DLL4: variants seen among roughly 807,000 people sequenced by gnomAD.
DLL4 encodes the protein delta like canonical Notch ligand 4, also known as delta-like protein 4.
In DLL4, 7 loss-of-function variants were observed where a neutral mutation model predicts 73.6. That is an observed-to-expected ratio of 0.10 (90% confidence interval 0.05 to 0.18). The LOEUF is 0.18. Among genes scored for constraint, DLL4 ranks in the 10% least tolerant of loss-of-function variants. The pLI is 1.00. For missense variants in DLL4, 614 were observed against 929.9 expected, an observed-to-expected ratio of 0.66 and a Z score of 4.42; for synonymous variants, 345 against 374.3, an observed-to-expected ratio of 0.92 and a Z score of 0.90.
Position 40,929,620 on chromosome 15 carries a change from A to G in DLL4, c.-49A>G. 6.8e-7 allele frequency: 1 copy of G among 1,462,496 alleles called. No homozygotes were observed. The highest frequency in any genetic ancestry group is 1.4e-5 in the African/African-American group (1 of 70,084). 90.6% of individuals were successfully genotyped at this position (1,462,496 alleles called of 1,614,324 possible). ...GACGCGCGGGAAAGCGGCGTCGCGAACAGAGCCAGATTGAGGGCCCGCGGG... is the reference window on the plus strand; with the variant it reads ...GACGCGCGGGAAAGCGGCGTCGCGAGCAGAGCCAGATTGAGGGCCCGCGGG... On this transcript the variant is annotated 5_prime_UTR_variant, in exon 1 of 11. Transcript: ENST00000249749. This position sits in a 1 kb window ranked among gnomAD's most constrained non-coding sequence, Gnocchi z 7.1.
At position 40,937,895 on chromosome 15, in the gene DLL4, A is replaced by T. The variant is rs544736292; in HGVS notation, c.2053-134A>T. The T allele has an allele frequency of 7.8e-6, 8 of 1,023,214 alleles. No individual in the cohort carries two copies. In the Admixed American group the frequency reaches 1.8e-4, roughly 23 times the overall value. 63.4% of individuals were successfully genotyped at this position (1,023,214 alleles called of 1,614,324 possible). On this transcript the variant is annotated intron_variant, in intron 10 of 10. Coordinates refer to ENST00000249749, the MANE Select transcript of DLL4 (RefSeq NM_019074.4). ...GGCCCGTGTGTGTGTTGGGCCGAAG[A>T]CTGGGGAGGACTGCCCCACCTGCCC...
At position 40,929,649 on chromosome 15, in the gene DLL4, A is replaced by G. The variant is rs767470734; in HGVS notation, c.-20A>G. 7.4e-5 allele frequency: 113 copies of G among 1,517,098 alleles called. No homozygotes were observed. The highest frequency in any genetic ancestry group is 9.3e-5 in the Non-Finnish European group (106 of 1,142,604). The allele number at this position is 1,517,098 out of a possible 1,614,324, so 94.0% of individuals were successfully genotyped here. On this transcript the variant is annotated 5_prime_UTR_variant, in exon 1 of 11. Transcript: ENST00000249749. This position sits in a 1 kb window ranked among gnomAD's most constrained non-coding sequence, Gnocchi z 7.1. ...AGCCAGATTGAGGGCCCGCGGGTGG[A>G]GAGAGCGACGCCCGAGGGGATGGCG...
chr15:40,938,296 G>C lies in DLL4; in HGVS notation c.*262G>C, dbSNP rs939559152. ...GAGAAGAGAGATGCCACTGGGCACT[G>C]CCCTGCCAGTAGTGGCCTTCAGGGG... On this transcript the variant is annotated 3_prime_UTR_variant, in exon 11 of 11. Transcript: ENST00000249749. The C allele has an allele frequency of 2.1e-4, 78 of 375,862 alleles. No individual in the cohort carries two copies. The highest frequency in any genetic ancestry group is 1.3e-3 in the African/African-American group (63 of 47,824). The allele number at this position is 375,862 out of a possible 1,614,324, so 23.3% of individuals were successfully genotyped here. A position where few individuals can be genotyped will look rare whatever the true frequency, so the allele number is the denominator to read the frequency against.
chr15:40,937,984 G>C, intron 10 of DLL4, 45 bp from the exon 11 acceptor site: 4 of 1,597,564 alleles, frequency 2.5e-6, no homozygotes, highest in Non-Finnish European at 3.4e-6. Context: ...GAGGGAGTGC[G>C]CATGCCCAGG....
At chr15:40,932,720 C>T (rs1412397095) in intron 6 of DLL4, among the ~76,000 whole-genome samples, 1 of 152,124 alleles carries the variant, frequency 6.6e-6, no homozygotes, top group African/African-American at 2.4e-5. Flanking sequence ...AGGTTGCACT[C>T]ATAAATCCTA....
At chr15:40,937,868 C>G (rs1329205527) in intron 10 of DLL4, among the ~76,000 whole-genome samples, 161 bp from the exon 11 acceptor site, 1 of 152,178 alleles carries the variant, frequency 6.6e-6, no homozygotes, top group African/African-American at 2.4e-5. Flanking sequence ...CGCAAGCTCC[C>G]AGGCCCGTGT....
intron 7 of DLL4, 46 bp from the exon 8 acceptor site, chr15:40,934,852 C>A: frequency 6.3e-7 from 1 of 1,598,212 alleles, no homozygotes; most frequent in Non-Finnish European, 8.6e-7. Context: ...TCACACATCC[C>A]TGCCCCCCAG....
Position 40,937,435 on chromosome 15 carries a change from G to T in DLL4, c.1961G>T (p.Arg654Leu), listed in dbSNP as rs762115737. ...LRLHSEKPEC[R>L]ISAICSPRDS... ...TCCCTCAGTGAAAAGCCAGAGTGTC[G>T]GATATCAGCGATATGCTCCCCCAGG... The change falls in exon 10 of 11, where the codon CGG (arginine) becomes CTG (leucine). Residue 654 changes from arginine (R) to leucine (L), a missense_variant. By Grantham distance (102) the Arg-to-Leu change is moderately radical. Coordinates refer to ENST00000249749, the MANE Select transcript of DLL4 (RefSeq NM_019074.4). 1 of 1,613,204 alleles carries T rather than the reference G, an allele frequency of 6.2e-7. No individual in the cohort carries two copies. Among genetic ancestry groups the T allele is most frequent in the Non-Finnish European group, 8.5e-7 (1 of 1,179,316 alleles).
Position 40,930,539 on chromosome 15 carries a change from T to G in DLL4, c.337-86T>G. The G allele has an allele frequency of 9.1e-7, 1 of 1,093,420 alleles. No homozygotes were observed. Among genetic ancestry groups the G allele is most frequent in the Non-Finnish European group, 1.4e-6 (1 of 723,626 alleles). 67.7% of individuals were successfully genotyped at this position (1,093,420 alleles called of 1,614,324 possible). On this transcript the variant is annotated intron_variant, in intron 2 of 10. Coordinates refer to ENST00000249749, the MANE Select transcript of DLL4 (RefSeq NM_019074.4). The surrounding 1 kb of genome is among the most constrained non-coding windows in gnomAD (Gnocchi z 5.7). Reference sequence around the variant, plus strand: ...CAGTAACTGAATCCTGCAATTAGATTAATTAAACAGGCTGCCGCAAGGCAC... The same window carrying G: ...CAGTAACTGAATCCTGCAATTAGATGAATTAAACAGGCTGCCGCAAGGCAC...
At chr15:40,937,790 G>A (rs557251666) in intron 10 of DLL4, among the ~76,000 whole-genome samples, 2 of 152,280 alleles carry the variant, frequency 1.3e-5, no homozygotes, top group South Asian at 4.1e-4. Context: ...TCTGATGGGT[G>A]AGGGGGCCCC....
chr15:40,938,063 C>A lies in DLL4; in HGVS notation c.*29C>A. On this transcript the variant is annotated 3_prime_UTR_variant, in exon 11 of 11. Transcript: ENST00000249749. The stretch of plus-strand genomic sequence containing the variant: ...AGGAGCCTACCTGGACATCCCTGCT[C>A]AGCCCCGCGGCTGGACCTTCCTTCT... 6.5e-7 allele frequency: 1 copy of A among 1,540,742 alleles called. No individual in the cohort carries two copies. Among genetic ancestry groups the A allele is most frequent in the Non-Finnish European group, 8.7e-7 (1 of 1,146,324 alleles).
At chr15:40,932,547 C>A (rs1290302040) in intron 6 of DLL4, 100 bp downstream of exon 6, 29 of 1,454,030 alleles carry the variant, frequency 2.0e-5, no homozygotes, top group Admixed American at 7.9e-5. Flanking sequence ...TTGGTGACTG[C>A]AGACTTGGCT....
At chr15:40,934,824 G>A (rs1375602960) in intron 7 of DLL4, 74 bp from the exon 8 acceptor site, 28 of 1,585,872 alleles carry the variant, frequency 1.8e-5, no homozygotes, top group Non-Finnish European at 2.2e-5. Context: ...TTGTGGGCAG[G>A]TGGAGCCCAG....
At position 40,929,546 on chromosome 15, in the gene DLL4, G is replaced by A. The variant is rs1892731703; in HGVS notation, c.-123G>A. On this transcript the variant is annotated 5_prime_UTR_variant, in exon 1 of 11. Transcript: ENST00000249749. This position sits in a 1 kb window ranked among gnomAD's most constrained non-coding sequence, Gnocchi z 7.1. ...GAGCCAGCGAGAAGGCCAAAGGGGA[G>A]CAGCGTCCCGAGAGGAGCGCCTCTT... The A allele has an allele frequency of 1.1e-6, 1 of 908,988 alleles. No individual in the cohort carries two copies. Among genetic ancestry groups the A allele is most frequent in the East Asian group, 2.7e-5 (1 of 36,718 alleles). 56.3% of individuals were successfully genotyped at this position (908,988 alleles called of 1,614,324 possible). A position where few individuals can be genotyped will look rare whatever the true frequency, so the allele number is the denominator to read the frequency against.
chr15:40,932,303 C>T lies in DLL4; in HGVS notation c.720-14C>T, dbSNP rs762584320. On this transcript the variant is annotated splice_polypyrimidine_tract_variant and intron_variant, in intron 5 of 10. Transcript: ENST00000249749. ...AGGCCTCTCACCTCACTCTGCCTCTCTCTTGTTCCCCAGCTGCCGCCCAGG... is the reference window on the plus strand; with the variant it reads ...AGGCCTCTCACCTCACTCTGCCTCTTTCTTGTTCCCCAGCTGCCGCCCAGG... 1.9e-6 allele frequency: 3 copies of T among 1,613,946 alleles called. No homozygotes were observed. Among genetic ancestry groups the T allele is most frequent in the Admixed American group, 1.7e-5 (1 of 60,010 alleles).
chr15:40,938,236 T>C lies in DLL4; in HGVS notation c.*202T>C. ...CACACCTTTGGGTGTCTGTCTGGCA[T>C]CAGATTGGCAGCTGCACCAACCAGA... On this transcript the variant is annotated 3_prime_UTR_variant, in exon 11 of 11. Coordinates refer to ENST00000249749, the MANE Select transcript of DLL4 (RefSeq NM_019074.4). 2.1e-6 allele frequency: 1 copy of C among 486,318 alleles called. No individual in the cohort carries two copies. Among genetic ancestry groups the C allele is most frequent in the South Asian group, 4.2e-5 (1 of 23,546 alleles). The allele number at this position is 486,318 out of a possible 1,614,324, so 30.1% of individuals were successfully genotyped here. A position where few individuals can be genotyped will look rare whatever the true frequency, so the allele number is the denominator to read the frequency against.
intron 10 of DLL4, 39 bp downstream of exon 10, chr15:40,937,565 G>A: frequency 6.9e-7 from 1 of 1,443,960 alleles, no homozygotes; most frequent in Non-Finnish European, 9.8e-7. Context: ...CCTTTTGTGG[G>A]AGGGAAAGTG....
At chr15:40,933,451 G>T (rs960961262) in intron 6 of DLL4, among the ~76,000 whole-genome samples, 2 of 152,052 alleles carry the variant, frequency 1.3e-5, no homozygotes, top group Admixed American at 1.3e-4. Flanking sequence ...TACTCTGTCT[G>T]GTTCTCCCTC....
chr15:40,936,985 C>T (rs929778865), intron 9 of DLL4, 55 bp downstream of exon 9: 1 of 1,434,772 alleles, frequency 7.0e-7, no homozygotes, highest in Non-Finnish European at 9.3e-7. Context: ...ATGGTTCTGC[C>T]TAGGCTCCTC....
Sources: gnomAD v4.1 joint callset for allele counts (sites outside exome capture counted in the v4.1 genomes callset) on GRCh38, gnomAD v4.1.1 for gene constraint, Gnocchi (gnomAD v3.1) non-coding constraint, MANE v1.5 for transcripts, NCBI Gene and HGNC (gene_info 2026-07-23, HGNC 2026-07-21) for gene names.